The following OPCML variants were observed in gnomAD, a reference collection of about 807,000 sequenced individuals.
OPCML encodes the protein opioid binding protein/cell adhesion molecule like.
In OPCML, 13 loss-of-function variants were observed where a neutral mutation model predicts 37.8. The ratio of observed to expected loss-of-function variants is 0.34; its 90% CI spans 0.22 to 0.55. The LOEUF (loss-of-function observed/expected upper bound fraction) is 0.55. Ranked by LOEUF, OPCML falls within the 20% of genes least tolerant of loss-of-function variation. The probability of loss-of-function intolerance (pLI) is 0.91; values close to 1 mark genes in which losing one functional copy is unlikely to be tolerated. For synonymous variants in OPCML, 176 were observed against 168.8 expected, an observed-to-expected ratio of 1.04 and a Z score of -0.33; for missense variants, 341 against 435.6, an observed-to-expected ratio of 0.78 and a Z score of 1.93.
In OPCML at chr11:133,076,816, G is replaced by A. The variant is rs1211951820; in HGVS notation, c.62-133806C>T. On this transcript the variant is annotated intron_variant, in intron 1 of 7. Transcript: ENST00000524381. ...GAGCAGCGTGAAACATGCACCTCCTGACCCCACTAGGAATCTTCTGTATTC... is the reference window on the plus strand; with the variant it reads ...GAGCAGCGTGAAACATGCACCTCCTAACCCCACTAGGAATCTTCTGTATTC... Among the ~76,000 whole-genome samples the A allele has an allele frequency of 3.9e-5, 6 of 152,170 alleles. No individual in the cohort carries two copies. The East Asian group carries it at 9.7e-4, about 25-fold the overall frequency.
chr11:133,215,027 C>A (rs1939524640), intron 1 of OPCML, among the ~76,000 whole-genome samples: 1 of 152,204 alleles, frequency 6.6e-6, no homozygotes, highest in African/African-American at 2.4e-5. Flanking sequence ...ATGGCATAAG[C>A]ATGCATCTTA....
At chr11:132,746,746 G>T (rs574584936) in intron 2 of OPCML, among the ~76,000 whole-genome samples, 1 of 152,276 alleles carries the variant, frequency 6.6e-6, no homozygotes, top group East Asian at 1.9e-4. Flanking sequence ...GTGGGTTTTT[G>T]TCATTTTTGA....
chr11:132,682,215 G>A (rs545563123), intron 2 of OPCML, among the ~76,000 whole-genome samples: 17 of 152,308 alleles, frequency 1.1e-4, no homozygotes, highest in African/African-American at 4.1e-4. Context: ...GGGCTGGTAA[G>A]CAAGGCACCC....
chr11:133,401,075 G>GAGC (rs1243131213), intron 1 of OPCML, among the ~76,000 whole-genome samples: 4 of 152,156 alleles, frequency 2.6e-5, no homozygotes, highest in African/African-American at 4.8e-5. Context: ...CCCAAGTTTA[G>GAGC]AGCAGAAAAG....
chr11:132,960,228 C>A (rs1170256764), intron 1 of OPCML, among the ~76,000 whole-genome samples: 1 of 152,188 alleles, frequency 6.6e-6, no homozygotes, highest in Non-Finnish European at 1.5e-5. Flanking sequence ...CGTAACTTTA[C>A]GTGTAGAAAA....
intron 1 of OPCML, among the ~76,000 whole-genome samples, chr11:132,997,774 T>G (rs949365286): frequency 3.3e-5 from 5 of 152,290 alleles, no homozygotes; most frequent in South Asian, 2.1e-4. Flanking sequence ...ACTAATTCCT[T>G]CCTCGCAGAG....
At chr11:132,945,641 T>A (rs1362396971) in intron 1 of OPCML, among the ~76,000 whole-genome samples, 1 of 152,250 alleles carries the variant, frequency 6.6e-6, no homozygotes, top group Non-Finnish European at 1.5e-5. Flanking sequence ...TTTAGCCTAC[T>A]GTAACTTTTT....
chr11:133,424,681 A>C (rs1459302563), intron 1 of OPCML, among the ~76,000 whole-genome samples: 2 of 152,206 alleles, frequency 1.3e-5, no homozygotes, highest in Admixed American at 6.5e-5. Context: ...ATCTATGTTC[A>C]TCTTTTGTTC....
At chr11:133,075,220 C>T (rs1324159988) in intron 1 of OPCML, among the ~76,000 whole-genome samples, 1 of 152,104 alleles carries the variant, frequency 6.6e-6, no homozygotes, top group African/African-American at 2.4e-5. Context: ...GCTGTAGGAT[C>T]AATATTTCTA....
chr11:132,910,270 A>C (rs1211355844), intron 2 of OPCML, among the ~76,000 whole-genome samples: 2 of 152,234 alleles, frequency 1.3e-5, no homozygotes, highest in Non-Finnish European at 2.9e-5. Context: ...AGGGGGCCTC[A>C]GCACATATTC....
intron 1 of OPCML, among the ~76,000 whole-genome samples, chr11:133,517,811 G>A (rs1261188115): frequency 6.6e-6 from 1 of 152,216 alleles, no homozygotes; most frequent in Non-Finnish European, 1.5e-5. Context: ...CAGAGTGAGT[G>A]AATGAGTAAC....
intron 1 of OPCML, among the ~76,000 whole-genome samples, chr11:133,459,139 A>T (rs1369828727): frequency 1.3e-5 from 2 of 152,136 alleles, no homozygotes; most frequent in Middle Eastern, 3.2e-3. Context: ...CTAAAGTTAC[A>T]TTGGCATCAA....
At chr11:133,145,987 T>C (rs1357530736) in intron 1 of OPCML, among the ~76,000 whole-genome samples, 1 of 152,220 alleles carries the variant, frequency 6.6e-6, no homozygotes, top group African/African-American at 2.4e-5. Context: ...TTTCTAACAA[T>C]GGTAGCCCTG....
intron 2 of OPCML, among the ~76,000 whole-genome samples, chr11:132,704,028 T>C (rs1415653797): frequency 6.6e-6 from 1 of 152,192 alleles, no homozygotes; most frequent in Non-Finnish European, 1.5e-5. Flanking sequence ...CCTGAGTTTT[T>C]TGTTTGGTTG....
intron 3 of OPCML, among the ~76,000 whole-genome samples, chr11:132,629,314 C>T (rs994365845): frequency 2.0e-5 from 3 of 152,214 alleles, no homozygotes; most frequent in African/African-American, 7.2e-5. Context: ...ATTAAAACAA[C>T]TTACTGAGTA....
At chr11:132,803,770 T>G (rs950886696) in intron 2 of OPCML, among the ~76,000 whole-genome samples, 1 of 152,198 alleles carries the variant, frequency 6.6e-6, no homozygotes, top group African/African-American at 2.4e-5. Flanking sequence ...TATATAAACT[T>G]AGGCATTCAA....
chr11:133,195,887 T>C (rs7123286), intron 1 of OPCML, among the ~76,000 whole-genome samples: 19,799 of 152,196 alleles, frequency 0.13, 1,529 homozygotes, highest in Middle Eastern at 0.18. Flanking sequence ...AAACCAACAA[T>C]GGTCTTGAAA....
At chr11:133,049,955 G>C (rs2136963360) in intron 1 of OPCML, among the ~76,000 whole-genome samples, 1 of 152,334 alleles carries the variant, frequency 6.6e-6, no homozygotes, top group Middle Eastern at 3.4e-3. Context: ...AGGTGCTCCT[G>C]TACAAGGATT....
intron 2 of OPCML, among the ~76,000 whole-genome samples, chr11:132,823,676 A>G (rs1940125935): frequency 6.6e-6 from 1 of 152,150 alleles, no homozygotes; most frequent in Non-Finnish European, 1.5e-5. Context: ...GTTCTGTTTC[A>G]CAGCAAAACA....
Sources: allele counts gnomAD v4.1 joint callset (sites outside exome capture counted in the v4.1 genomes callset), GRCh38; gene constraint gnomAD v4.1.1; transcripts MANE v1.5; gene names NCBI Gene and HGNC (gene_info 2026-07-23, HGNC 2026-07-21).